CEP250: variants seen among roughly 807,000 people sequenced by gnomAD.
The protein encoded by CEP250 is centrosome-associated protein CEP250.
A neutral mutation model predicts 315.7 loss-of-function variants in CEP250; 242 were observed. The observed-to-expected ratio is 0.77, with a 90% CI of 0.69 to 0.85. The LOEUF (loss-of-function observed/expected upper bound fraction) is 0.85. CEP250 is among the 40% of genes least tolerant of loss of function. The pLI, the probability that CEP250 is intolerant of heterozygous loss-of-function variation, is 0.00. For missense variants in CEP250, 2,515 were observed against 2,886.4 expected, an observed-to-expected ratio of 0.87 and a Z score of 2.95; for synonymous variants, 1,088 against 1,175.0, an observed-to-expected ratio of 0.93 and a Z score of 1.51.
chr20:35,490,915 G>C (rs184492144), intron 21 of CEP250, 111 bp downstream of exon 21: 1 of 1,309,544 alleles, frequency 7.6e-7, no homozygotes, highest in African/African-American at 1.5e-5. Context: ...CCAGAAGAGA[G>C]GGTAGCTACC....
Position 35,497,961 on chromosome 20 carries a change from C to T in CEP250, c.3549C>T (p.Ala1183=). ...GNQAQAQAQL[A]SLYSALQQAL... is the part of the protein sequence containing the mutation. ...AGGCCCAGGCCCAGGCCCAGCTGGC[C>T]AGCCTCTACTCTGCCCTGCAGCAGG... is the stretch of plus-strand genomic sequence containing the variant. The change falls in exon 26 of 35, where the codon GCC becomes GCT. Residue 1183 remains alanine, a synonymous_variant. Transcript: ENST00000397527. 6.2e-7 allele frequency: 1 copy of T among 1,613,000 alleles called. No individual in the cohort carries two copies. The highest frequency in any genetic ancestry group is 8.5e-7 in the Non-Finnish European group (1 of 1,179,568).
At chr20:35,473,578 C>A in intron 13 of CEP250, 26 bp downstream of exon 13, 1 of 1,578,266 alleles carries the variant, frequency 6.3e-7, no homozygotes, top group Non-Finnish European at 8.6e-7. Flanking sequence ...GTTCATCCCA[C>A]CCTCCCAGCC....
rs2064030446 is a variant in CEP250, at chr20:35,502,333, TG to T, written c.4021-53del. The stretch of plus-strand genomic sequence containing the variant: ...AAATAAGAAAGAGAAGGGTCGGTGT[TG>T]GGGTGACAGTAGCAGGGAAGTGTAG... On this transcript the variant is annotated intron_variant, in intron 29 of 34. Transcript: ENST00000397527. The T allele has an allele frequency of 2.8e-6, 4 of 1,422,640 alleles. No individual in the cohort carries two copies. In the Admixed American group the frequency reaches 9.0e-5, roughly 32 times the overall value. The allele number at this position is 1,422,640 out of a possible 1,614,324, so 88.1% of individuals were successfully genotyped here.
chr20:35,509,052 C>A lies in CEP250; in HGVS notation c.7008+8C>A. ...TCTTCACCCACACAGCAGGTTTACT[C>A]ATTTTCCTCAGCTGCAGCCTTAGAG... is the stretch of plus-strand genomic sequence containing the variant. On this transcript the variant is annotated splice_region_variant and intron_variant, in intron 33 of 34. Transcript: ENST00000397527. 1 of 1,551,822 alleles carries A rather than the reference C, an allele frequency of 6.4e-7. No individual in the cohort carries two copies. Among genetic ancestry groups the A allele is most frequent in the East Asian group, 2.4e-5 (1 of 41,130 alleles).
At position 35,474,046 on chromosome 20, in the gene CEP250, A is replaced by G; in HGVS notation, c.1565A>G (p.Glu522Gly). Residue 522 changes from glutamate (E) to glycine (G), a missense_variant, in exon 14 of 35, where the codon GAG (glutamate) becomes GGG (glycine). Glu to Gly is a moderately conservative substitution (Grantham distance 98, BLOSUM62 -2). Transcript: ENST00000397527. ...EELHLAVRER[E>G]RLQEMLMGLE... ...CTGCACCTGGCTGTCCGGGAGAGGG[A>G]GCGTCTGTAAGTGAGACTAGTCTCC... is the stretch of plus-strand genomic sequence containing the variant. 1 of 1,553,314 alleles carries G rather than the reference A, an allele frequency of 6.4e-7. No individual in the cohort carries two copies. Among genetic ancestry groups the G allele is most frequent in the Non-Finnish European group, 8.7e-7 (1 of 1,153,592 alleles).
In CEP250 at chr20:35,493,436, C is replaced by T. The variant is rs2063751878; in HGVS notation, c.2897C>T (p.Thr966Ile). The change falls in exon 23 of 35, where the codon ACT becomes ATT. Residue 966 changes from threonine to isoleucine, a missense_variant. Thr to Ile is a moderately conservative substitution (Grantham distance 89, BLOSUM62 -1). Coordinates refer to ENST00000397527, the MANE Select transcript of CEP250 (RefSeq NM_007186.6). ...TTTCTTATCCCTCTTCAGGAGACCA[C>T]TGGGATACTACAGACCCAGCTCCAG... The part of the protein sequence containing the change: ...KVQKLKEQET[T>I]GILQTQLQEA... 2 of 1,597,498 alleles carry T rather than the reference C, an allele frequency of 1.3e-6. No individual in the cohort carries two copies. Among genetic ancestry groups the T allele is most frequent in the Non-Finnish European group, 8.5e-7 (1 of 1,172,892 alleles).
Position 35,502,804 on chromosome 20 carries a change from A to G in CEP250, c.4435A>G (p.Ile1479Val), listed in dbSNP as rs775005555. 11 of 1,614,092 alleles carry G rather than the reference A, an allele frequency of 6.8e-6. 1 individual carries two copies. In the Admixed American group the frequency reaches 1.8e-4, roughly 27 times the overall value. The change falls in exon 30 of 35, where the codon ATT becomes GTT. Residue 1479 changes from isoleucine to valine, a missense_variant. Ile to Val is a conservative substitution (Grantham distance 29). Coordinates refer to ENST00000397527, the MANE Select transcript of CEP250 (RefSeq NM_007186.6). ...AGAGGTAGATCTGCAGCAAGAACAG[A>G]TTCAGGAGCTAGAGAAGTGTAGGTC... ...NQEVDLQQEQIQELEKCRSVL... is the reference protein window; with the variant it reads ...NQEVDLQQEQVQELEKCRSVL...
chr20:35,504,735 G>T lies in CEP250; in HGVS notation c.6366G>T (p.Leu2122=). 4 of 1,614,186 alleles carry T rather than the reference G, an allele frequency of 2.5e-6. No individual in the cohort carries two copies. The highest frequency in any genetic ancestry group is 3.4e-6 in the Non-Finnish European group (4 of 1,180,044). The part of the protein sequence containing the change: ...ELRETQQRNN[L]EALPHSHKTS... ...GGGAGACCCAGCAAAGGAACAACCT[G>T]GAAGCCTTACCCCACAGCCACAAAA... Residue 2122 remains leucine (L), a synonymous_variant, in exon 30 of 35, where the codon CTG becomes CTT. Transcript: ENST00000397527.
intron 7 of CEP250, 67 bp from the exon 8 acceptor site, chr20:35,466,899 A>C: frequency 2.0e-6 from 2 of 979,064 alleles, no homozygotes; most frequent in Non-Finnish European, 3.3e-6. Flanking sequence ...GGAGGAATCC[A>C]AGACTCTTGT....
intron 15 of CEP250, 106 bp downstream of exon 15, chr20:35,475,752 T>G (rs2063154657): frequency 7.2e-6 from 9 of 1,250,980 alleles, no homozygotes; most frequent in African/African-American, 1.5e-5. Flanking sequence ...TCATCTTTCC[T>G]CAATCATTAG....
At chr20:35,467,179 G>T in intron 8 of CEP250, 107 bp downstream of exon 8, 1 of 534,912 alleles carries the variant, frequency 1.9e-6, no homozygotes, top group African/African-American at 1.9e-5. Flanking sequence ...GGTGGGTGGG[G>T]GAGTTGGTAG....
intron 20 of CEP250, among the ~76,000 whole-genome samples, chr20:35,486,177 G>A (rs1198372053): frequency 2.0e-5 from 3 of 151,464 alleles, no homozygotes; most frequent in Non-Finnish European, 4.4e-5. Flanking sequence ...ACCACACCTG[G>A]CTAATTTTTG....
chr20:35,468,472 T>C (rs892560593), intron 9 of CEP250, among the ~76,000 whole-genome samples: 4 of 152,272 alleles, frequency 2.6e-5, no homozygotes, highest in South Asian at 2.1e-4. Context: ...GAGAGCCCCA[T>C]TGAATCTCAG....
intron 1 of CEP250, among the ~76,000 whole-genome samples, chr20:35,456,044 C>A (rs142356821): frequency 0.018 from 2,751 of 152,146 alleles, 92 homozygotes; most frequent in African/African-American, 0.064. Flanking sequence ...TGCAGGCATG[C>A]GCCACCACAC....
intron 12 of CEP250, 27 bp downstream of exon 12, chr20:35,472,858 G>A (rs1601156323): frequency 6.2e-7 from 1 of 1,612,798 alleles, no homozygotes. Flanking sequence ...TTCCACCTCA[G>A]TCACAGGGGT....
At chr20:35,470,063 G>A (rs1385935650) in intron 10 of CEP250, 77 bp downstream of exon 10, 1 of 909,280 alleles carries the variant, frequency 1.1e-6, no homozygotes, top group Admixed American at 2.0e-5. Context: ...AGATAGTGCA[G>A]GATACCAGTT....
chr20:35,490,992 C>T, intron 21 of CEP250, 188 bp downstream of exon 21: 1 of 795,422 alleles, frequency 1.3e-6, no homozygotes, highest in Non-Finnish European at 2.0e-6. Context: ...TGTCATACTT[C>T]CTGAGGGAGG....
At position 35,469,954 on chromosome 20, in the gene CEP250, A is replaced by G. The variant is rs756960945; in HGVS notation, c.916A>G (p.Ile306Val). Residue 306 changes from isoleucine to valine, a missense_variant, in exon 10 of 35, where the codon ATA (isoleucine) becomes GTA (valine). By Grantham distance (29) the Ile-to-Val change is conservative. Transcript: ENST00000397527. ...GCAAAATGAAGATTATGAAAAGATG[A>G]TAAAGGCTCTGAGAGAGACAGTGGA... ...QKQNEDYEKM[I>V]KALRETVEIL... 6.2e-7 allele frequency: 1 copy of G among 1,613,788 alleles called. No individual in the cohort carries two copies. Among genetic ancestry groups the G allele is most frequent in the African/African-American group, 1.3e-5 (1 of 74,890 alleles).
Position 35,502,460 on chromosome 20 carries a change from T to C in CEP250, c.4091T>C (p.Val1364Ala), listed in dbSNP as rs765839208. The change falls in exon 30 of 35, where the codon GTC becomes GCC. Residue 1364 changes from valine to alanine, a missense_variant. Transcript: ENST00000397527. ...CAGGTGGAACACCTGCAAGCAGCTG[T>C]CGTAGAAGCCAGGGCTCAGGCAAGT... ...TAQVEHLQAA[V>A]VEARAQASAA... The C allele has an allele frequency of 6.2e-7, 1 of 1,614,124 alleles. No homozygotes were observed. The highest frequency in any genetic ancestry group is 8.5e-7 in the Non-Finnish European group (1 of 1,180,014).
Sources: allele counts gnomAD v4.1 joint callset (sites outside exome capture counted in the v4.1 genomes callset), GRCh38; gene constraint gnomAD v4.1.1; transcripts MANE v1.5; gene names NCBI Gene and HGNC (gene_info 2026-07-23, HGNC 2026-07-21).